The following CSNK2A1 variants were observed in gnomAD, a reference collection of about 807,000 sequenced individuals.
CSNK2A1 encodes the protein casein kinase II subunit alpha.
Under a neutral mutation model 62.9 loss-of-function variants are expected in CSNK2A1, and 10 were observed. The ratio of observed to expected loss-of-function variants is 0.16; its 90% CI spans 0.10 to 0.27. CSNK2A1 has a LOEUF of 0.27. Ranked by LOEUF, CSNK2A1 falls within the 10% of genes least tolerant of loss-of-function variation. The pLI is 1.00. For missense variants in CSNK2A1, 160 were observed against 492.0 expected, an observed-to-expected ratio of 0.33 and a Z score of 6.38; for synonymous variants, 124 against 167.8, an observed-to-expected ratio of 0.74 and a Z score of 2.02.
At position 499,769 on chromosome 20, in the gene CSNK2A1, G is replaced by C. The variant is rs1377860120; in HGVS notation, c.315+64C>G. 2 of 1,505,750 alleles carry C rather than the reference G, an allele frequency of 1.3e-6. No individual in the cohort carries two copies. The highest frequency in any genetic ancestry group is 2.3e-4 in the Middle Eastern group (1 of 4,388). The allele number at this position is 1,505,750 out of a possible 1,614,324, so 93.3% of individuals were successfully genotyped here. Reference sequence around the variant, plus strand: ...TGGGGGAGGGAACAAAAAGAGGCCAGTTGTGCTCCAGGTCAAACACCATCT... The same window carrying C: ...TGGGGGAGGGAACAAAAAGAGGCCACTTGTGCTCCAGGTCAAACACCATCT... On this transcript the variant is annotated intron_variant, in intron 5 of 13. Transcript: ENST00000217244. This position sits in a 1 kb window ranked among gnomAD's most constrained non-coding sequence, Gnocchi z 4.2.
rs887299151 is a variant in CSNK2A1, at chr20:481,424, G to A, written c.*2537C>T. The A allele has an allele frequency of 2.0e-5, 3 of 151,494 alleles. No homozygotes were observed. Among genetic ancestry groups the A allele is most frequent in the African/African-American group, 7.3e-5 (3 of 41,192 alleles). The allele number at this position is 151,494 out of a possible 1,614,324, so 9.4% of individuals were successfully genotyped here. The stretch of plus-strand genomic sequence containing the variant: ...GCTGAGAAATAGTGTCCCAATACAA[G>A]GTATACAGATGAGGTAATTTACAAC... On this transcript the variant is annotated 3_prime_UTR_variant, in exon 14 of 14. Transcript: ENST00000217244.
At chr20:541,343 C>T (rs1053138528) in intron 1 of CSNK2A1, among the ~76,000 whole-genome samples, 6 of 152,126 alleles carry the variant, frequency 3.9e-5, no homozygotes, top group Admixed American at 3.9e-4. Flanking sequence ...AGGTATGGCA[C>T]CTTGGGAAGA....
chr20:536,517 T>C (rs8117831), intron 1 of CSNK2A1, among the ~76,000 whole-genome samples: 5,325 of 152,230 alleles, frequency 0.035, 111 homozygotes, highest in African/African-American at 0.055. Context: ...CCCAAGGTAG[T>C]TGTTATCCGA....
intron 1 of CSNK2A1, among the ~76,000 whole-genome samples, chr20:543,409 C>T (rs1032044203): frequency 1.3e-5 from 2 of 151,198 alleles, no homozygotes; most frequent in Admixed American, 1.3e-4. Context: ...CTCTCCTCTG[C>T]AATAAGCTGG....
intron 1 of CSNK2A1, among the ~76,000 whole-genome samples, chr20:532,331 T>C (rs1034577591): frequency 4.0e-3 from 167 of 42,000 alleles, no homozygotes; most frequent in Middle Eastern, 0.017. Flanking sequence ...GCCCGGCTAA[T>C]TTTTTTTTTT....
chr20:527,097 GA>G (rs1196815432), intron 2 of CSNK2A1, among the ~76,000 whole-genome samples: 2 of 151,778 alleles, frequency 1.3e-5, no homozygotes, highest in Admixed American at 6.6e-5. Context: ...GGGAGTGAGG[GA>G]TGAATTAGGG....
chr20:532,137 A>G (rs2019224248), intron 1 of CSNK2A1, among the ~76,000 whole-genome samples: 1 of 151,998 alleles, frequency 6.6e-6, no homozygotes, highest in African/African-American at 2.4e-5. Flanking sequence ...GAGCTTTCTA[A>G]ATTAGTGCTC....
At chr20:509,898 G>A (rs920403747) in intron 2 of CSNK2A1, among the ~76,000 whole-genome samples, 1 of 152,040 alleles carries the variant, frequency 6.6e-6, no homozygotes, top group African/African-American at 2.4e-5. Flanking sequence ...TCAATTACCA[G>A]GAAACATTCA....
chr20:531,439 A>G (rs974819739), intron 1 of CSNK2A1, among the ~76,000 whole-genome samples: 1 of 152,192 alleles, frequency 6.6e-6, no homozygotes, highest in Non-Finnish European at 1.5e-5. Flanking sequence ...TAAATATATA[A>G]ATTTACAAAT....
intron 1 of CSNK2A1, among the ~76,000 whole-genome samples, chr20:532,645 C>A (rs1011835140): frequency 1.4e-4 from 21 of 152,148 alleles, no homozygotes; most frequent in Non-Finnish European, 1.2e-4. Flanking sequence ...GTAACGCACC[C>A]TAACACAATA....
intron 2 of CSNK2A1, among the ~76,000 whole-genome samples, chr20:517,658 T>C (rs928558503): frequency 6.6e-6 from 1 of 152,076 alleles, no homozygotes; most frequent in African/African-American, 2.4e-5. Flanking sequence ...ATGGAAAACA[T>C]TAAAACAAGA....
intron 2 of CSNK2A1, among the ~76,000 whole-genome samples, chr20:510,831 C>T (rs1459936533): frequency 6.6e-6 from 1 of 152,116 alleles, no homozygotes; most frequent in African/African-American, 2.4e-5. Flanking sequence ...ATCCTCCCAC[C>T]TCTGCCTCCC....
At position 479,586 on chromosome 20, in the gene CSNK2A1, C is replaced by A. The variant is rs2017914240; in HGVS notation, c.*4375G>T. On this transcript the variant is annotated 3_prime_UTR_variant, in exon 14 of 14. Coordinates refer to ENST00000217244, the MANE Select transcript of CSNK2A1 (RefSeq NM_177559.3). Reference sequence around the variant, plus strand: ...AGGTTAACTGATCAAAAAAATCACACTGCCAGACAGAACTCTGTTAGAGGT... The same window carrying A: ...AGGTTAACTGATCAAAAAAATCACAATGCCAGACAGAACTCTGTTAGAGGT... 1 of 152,226 alleles carries A rather than the reference C, an allele frequency of 6.6e-6. No homozygotes were observed. The highest frequency in any genetic ancestry group is 1.5e-5 in the Non-Finnish European group (1 of 68,036). The allele number at this position is 152,226 out of a possible 1,614,324, so 9.4% of individuals were successfully genotyped here.
At position 528,757 on chromosome 20, in the gene CSNK2A1, C is replaced by A. The variant is rs566545190; in HGVS notation, c.-226-708G>T. 3.9e-5 allele frequency among the ~76,000 whole-genome samples: 6 copies of A among 152,208 alleles called. No homozygotes were observed. In the Middle Eastern group the frequency reaches 0.01, roughly 259 times the overall value. On this transcript the variant is annotated intron_variant, in intron 1 of 13. Transcript: ENST00000217244. ...GATTATAGGCATGAGCCACCATGCC[C>A]AGCCAGATTTATCACTGTTAAACCA...
intron 4 of CSNK2A1, chr20:503,724 G>C (rs920237794): frequency 4.3e-5 from 17 of 398,470 alleles, no homozygotes; most frequent in African/African-American, 3.3e-4. Flanking sequence ...CAGGAAATGA[G>C]GGTGGTGGTG....
chr20:495,301 A>G (rs2018323315), intron 8 of CSNK2A1: 1 of 163,400 alleles, frequency 6.1e-6, no homozygotes, highest in Admixed American at 5.9e-5. Flanking sequence ...ATAAACAGAA[A>G]CAGCATTTTC....
chr20:494,865 T>C (rs2018314404), intron 8 of CSNK2A1: 1 of 152,252 alleles, frequency 6.6e-6, no homozygotes, highest in South Asian at 2.1e-4. Context: ...CCTTGGGACA[T>C]GTTTCTTCAT....
intron 10 of CSNK2A1, chr20:489,022 T>A: frequency 2.8e-6 from 1 of 353,868 alleles, no homozygotes; most frequent in Non-Finnish European, 5.2e-6. Flanking sequence ...CAAAACCCAA[T>A]TGAAGATGTC....
chr20:526,079 T>A, intron 2 of CSNK2A1, among the ~76,000 whole-genome samples: 1 of 151,994 alleles, frequency 6.6e-6, no homozygotes, highest in Admixed American at 6.6e-5. Context: ...CTCAATAAAT[T>A]TGAAAACAGA....
Sources: allele counts gnomAD v4.1 joint callset (sites outside exome capture counted in the v4.1 genomes callset), GRCh38; gene constraint gnomAD v4.1.1; non-coding constraint Gnocchi (gnomAD v3.1); transcripts MANE v1.5; gene names NCBI Gene and HGNC (gene_info 2026-07-23, HGNC 2026-07-21).